MICAL2: variants seen among roughly 807,000 people sequenced by gnomAD.
The protein encoded by MICAL2 is [F-actin]-monooxygenase MICAL2.
Under a neutral mutation model 127.3 loss-of-function variants are expected in MICAL2, and 77 were observed. The observed-to-expected ratio is 0.60, with a 90% CI of 0.50 to 0.73. The LOEUF (loss-of-function observed/expected upper bound fraction) is 0.73, where lower values mean the gene tolerates loss of function less well. MICAL2 is among the 30% of genes least tolerant of loss of function. The pLI, the probability that MICAL2 is intolerant of heterozygous loss-of-function variation, is 0.00. For missense variants in MICAL2, 1,351 were observed against 1,434.4 expected (o/e 0.94, Z 0.94); for synonymous variants, 570 against 551.1 (o/e 1.03, Z -0.48).
intron 3 of MICAL2, among the ~76,000 whole-genome samples, chr11:12,200,164 C>G (rs960663243): frequency 1.3e-5 from 2 of 152,118 alleles, no homozygotes; most frequent in East Asian, 1.9e-4. Flanking sequence ...TTAGAGGAAC[C>G]CTTGGACTGG....
chr11:12,256,855 T>C lies in MICAL2; in HGVS notation c.3026T>C (p.Val1009Ala), dbSNP rs1236682782. ...SDTCYFCKKRVYVMERLSAEG... is the reference protein window; with the variant it reads ...SDTCYFCKKRAYVMERLSAEG... The stretch of plus-strand genomic sequence containing the variant: ...ACGTGTTACTTCTGTAAGAAACGTG[T>C]GTACGTGATGGAACGGCTGAGCGCC... The change falls in exon 24 of 28, where the codon GTG (valine) becomes GCG (alanine). Residue 1009 changes from valine (V) to alanine (A), a missense_variant. Physicochemically the swap from Val to Ala is moderately conservative, Grantham distance 64. Around this residue, in one of 2 missense-constraint regions of MICAL2, gnomAD observed 752 missense variants for 719.4 expected, o/e 1.05. Transcript: ENST00000683283. The C allele has an allele frequency of 6.2e-7, 1 of 1,614,158 alleles. No homozygotes were observed.
At chr11:12,152,297 CAAAAAAAAAAAA>C (rs540812572) in intron 2 of MICAL2, among the ~76,000 whole-genome samples, 13 of 38,396 alleles carry the variant, frequency 3.4e-4, no homozygotes, top group East Asian at 2.1e-3. Context: ...GACTCTGTCT[CAAAAAAAAAAAA>C]AAAAAAAAAA....
chr11:12,169,871 T>C (rs1856016395), intron 3 of MICAL2, among the ~76,000 whole-genome samples: 1 of 152,200 alleles, frequency 6.6e-6, no homozygotes, highest in South Asian at 2.1e-4. Flanking sequence ...CCACCAATAG[T>C]GCAAGGGAGT....
chr11:12,173,848 C>T (rs950106845), intron 3 of MICAL2, among the ~76,000 whole-genome samples: 2 of 152,194 alleles, frequency 1.3e-5, no homozygotes, highest in African/African-American at 4.8e-5. Context: ...GGTTTGTCCA[C>T]ATGGTAGCAT....
intron 3 of MICAL2, among the ~76,000 whole-genome samples, chr11:12,196,655 T>G (rs1310135729): frequency 1.3e-5 from 2 of 152,170 alleles, no homozygotes; most frequent in African/African-American, 2.4e-5. Flanking sequence ...TTCTCTCTTC[T>G]TACCATCTTT....
At chr11:12,289,894 G>A (rs1437748074), downstream of MICAL2, among the ~76,000 whole-genome samples, 1 of 152,188 alleles carries the variant, frequency 6.6e-6, no homozygotes, top group Non-Finnish European at 1.5e-5. Context: ...TTTAGCCCAT[G>A]TTATCTGCTC....
Position 12,209,590 on chromosome 11 carries a change from C to G in MICAL2, c.683C>G (p.Thr228Ser). Residue 228 changes from threonine (T) to serine (S), a missense_variant, in exon 6 of 28, where the codon ACC (threonine) becomes AGC (serine). This residue lies in a region of MICAL2 where 599 missense variants were observed against 714.9 expected (regional missense o/e 0.84). Coordinates refer to ENST00000683283, the MANE Select transcript of MICAL2 (RefSeq NM_001282663.2). ...VIIGADGRRN[T>S]LEGFRRKEFR... ...ATTGGTGCCGATGGCCGCAGGAACA[C>G]CCTGGAAGGTGAAGACTCTTCTTCT... The G allele has an allele frequency of 6.2e-7, 1 of 1,613,104 alleles. No homozygotes were observed. The highest frequency in any genetic ancestry group is 8.5e-7 in the Non-Finnish European group (1 of 1,179,140).
intron 34 of MICAL2, among the ~76,000 whole-genome samples, chr11:12,355,857 T>C (rs745826691): frequency 1.3e-5 from 2 of 152,224 alleles, no homozygotes; most frequent in Non-Finnish European, 2.9e-5. Context: ...AAAATCCTTA[T>C]GCAGCAGCAC....
At chr11:12,179,479 T>A (rs1431649228) in intron 3 of MICAL2, among the ~76,000 whole-genome samples, 2 of 152,194 alleles carry the variant, frequency 1.3e-5, no homozygotes, top group Non-Finnish European at 2.9e-5. Flanking sequence ...TCTCTAACCA[T>A]GACTTGGAGC....
intron 32 of MICAL2, among the ~76,000 whole-genome samples, chr11:12,327,863 A>G (rs1416170830): frequency 1.3e-5 from 2 of 149,618 alleles, no homozygotes; most frequent in Non-Finnish European, 3.0e-5. Context: ...ATATATGGGT[A>G]TTGGAGCAGT....
chr11:12,255,829 G>T (rs953736011), intron 23 of MICAL2, 79 bp downstream of exon 23: 144 of 1,167,694 alleles, frequency 1.2e-4, no homozygotes, highest in South Asian at 4.0e-5. Flanking sequence ...ATGTCGAGAG[G>T]ATGCCCTGGC....
In MICAL2 at chr11:12,242,757, C is replaced by T. The variant is rs199720685; in HGVS notation, c.2643C>T (p.His881=). 9.7e-4 allele frequency: 1,560 copies of T among 1,607,534 alleles called. 23 individuals are homozygous for T. In the South Asian group the frequency reaches 0.015, roughly 16 times the overall value. The stretch of plus-strand genomic sequence containing the variant: ...CTCACCTTGCCTCCATGTTTGGACA[C>T]GGGGATTTCCCGCAGGTAAACATGG... ...KAAHLASMFG[H]GDFPQNKLLS... is the part of the protein sequence containing the mutation. The change falls in exon 20 of 28, where the codon CAC becomes CAT. Residue 881 remains histidine, a synonymous_variant. Transcript: ENST00000683283.
Position 12,349,861 on chromosome 11 carries a change from C to T in MICAL2, c.5539C>T (p.Gln1847Ter), listed in dbSNP as rs776346133. ...AGATTCAGGCACACAGGATGAAGCA[C>T]AGCTTTTGCAGGAATGGTTTAAGCT... Residue 1847 changes from glutamine to a stop codon, truncating the protein, a stop_gained, in exon 33 of 35, where the codon CAG becomes TAG. Transcript: ENST00000646065. LOFTEE classifies it high-confidence loss of function. 1 of 1,614,078 alleles carries T rather than the reference C, an allele frequency of 6.2e-7. No individual in the cohort carries two copies. The highest frequency in any genetic ancestry group is 1.1e-5 in the South Asian group (1 of 91,084).
intron 29 of MICAL2, among the ~76,000 whole-genome samples, chr11:12,300,767 A>C (rs1167539192): frequency 6.6e-6 from 1 of 152,172 alleles, no homozygotes; most frequent in African/African-American, 2.4e-5. Context: ...TAAGACCCTG[A>C]GCAAAGGGCC....
chr11:12,167,838 G>A (rs1386007610), intron 3 of MICAL2, among the ~76,000 whole-genome samples: 1 of 152,160 alleles, frequency 6.6e-6, no homozygotes, highest in East Asian at 1.9e-4. Flanking sequence ...GTTTGCATGA[G>A]TGTGTGTGTT....
chr11:12,273,192 C>T (rs1047457402), upstream of MICAL2, among the ~76,000 whole-genome samples: 8 of 152,184 alleles, frequency 5.3e-5, no homozygotes, highest in Non-Finnish European at 1.2e-4. Context: ...CGTAACCTCT[C>T]TGTGCTTGAG....
intron 2 of MICAL2, among the ~76,000 whole-genome samples, chr11:12,148,346 T>C (rs1166301661): frequency 6.6e-6 from 1 of 151,988 alleles, no homozygotes; most frequent in Non-Finnish European, 1.5e-5. Context: ...CCTTTGGGAA[T>C]TGAGCCTAAC....
At chr11:12,267,210 A>G (rs1177829673), downstream of MICAL2, among the ~76,000 whole-genome samples, 1 of 152,068 alleles carries the variant, frequency 6.6e-6, no homozygotes, top group African/African-American at 2.4e-5. Flanking sequence ...GAGTCTCAGC[A>G]AGGAGGGGGC....
At chr11:12,255,393 G>A in intron 22 of MICAL2, 1 of 498,698 alleles carries the variant, frequency 2.0e-6, no homozygotes, top group Non-Finnish European at 3.7e-6. Context: ...GACTACTCTA[G>A]GTACCACATA....
Sources: gnomAD v4.1 joint callset for allele counts (sites outside exome capture counted in the v4.1 genomes callset) on GRCh38, gnomAD v4.1.1 for gene constraint, gnomAD v4.1.1 regional missense constraint, MANE v1.5 for transcripts, NCBI Gene and HGNC (gene_info 2026-07-23, HGNC 2026-07-21) for gene names.